STAU2: variants seen among roughly 807,000 people sequenced by gnomAD.
STAU2 encodes the protein staufen double-stranded RNA binding protein 2, also known as double-stranded RNA-binding protein Staufen homolog 2.
In STAU2, 20 loss-of-function variants were observed where a neutral mutation model predicts 65.9. The observed-to-expected ratio is 0.30, with a 90% CI of 0.21 to 0.44. The LOEUF (loss-of-function observed/expected upper bound fraction) is 0.44. Ranked by LOEUF, STAU2 falls within the 20% of genes least tolerant of loss-of-function variation. STAU2 has a pLI of 1.00. For synonymous variants in STAU2, 232 were observed against 233.9 expected, an observed-to-expected ratio of 0.99 and a Z score of 0.07; for missense variants, 558 against 683.9, an observed-to-expected ratio of 0.82 and a Z score of 2.05.
intron 13 of STAU2, among the ~76,000 whole-genome samples, chr8:73,512,251 C>T (rs980519763): frequency 6.6e-6 from 1 of 152,136 alleles, no homozygotes; most frequent in Non-Finnish European, 1.5e-5. Context: ...TTTCCATACA[C>T]ATTTTAAGAT....
chr8:73,694,242 A>C (rs531863205), intron 4 of STAU2, among the ~76,000 whole-genome samples: 29 of 152,366 alleles, frequency 1.9e-4, no homozygotes, highest in African/African-American at 7.0e-4. Context: ...AATTAAAGTC[A>C]GATTCAATAC....
rs140960311 is a variant in STAU2, at chr8:73,601,503, A to T, written c.1029+2223T>A. ...TAATATATAGACTTTTTCTTTGGTAACAGATAAAAATGAGCATCTCATCTC... is the reference window on the plus strand; with the variant it reads ...TAATATATAGACTTTTTCTTTGGTATCAGATAAAAATGAGCATCTCATCTC... On this transcript the variant is annotated intron_variant, in intron 10 of 14. Coordinates refer to ENST00000524300, the MANE Select transcript of STAU2 (RefSeq NM_001164380.2). 1.4e-3 allele frequency among the ~76,000 whole-genome samples: 216 copies of T among 152,306 alleles called. 1 individual carries two copies. Among genetic ancestry groups the T allele is most frequent in the African/African-American group, 4.9e-3 (205 of 41,548 alleles).
At chr8:73,710,957 C>T (rs1820847529) in intron 3 of STAU2, among the ~76,000 whole-genome samples, 1 of 150,424 alleles carries the variant, frequency 6.6e-6, no homozygotes, top group African/African-American at 2.4e-5. Context: ...CTTAACAGGC[C>T]CAATAATTTG....
In STAU2 at chr8:73,634,330, C is replaced by T. The variant is rs1325803422; in HGVS notation, c.411-16879G>A. ...GGATCACGAGGTCAAGAGATTGAGA[C>T]CATCCTGGTCAACATGGTGAAACCC... On this transcript the variant is annotated intron_variant, in intron 6 of 14. Transcript: ENST00000524300. 2.0e-5 allele frequency among the ~76,000 whole-genome samples: 3 copies of T among 151,988 alleles called. No individual in the cohort carries two copies. In the South Asian group the frequency reaches 6.2e-4, roughly 32 times the overall value.
chr8:73,714,945 A>G (rs1359852242), intron 3 of STAU2, among the ~76,000 whole-genome samples: 1 of 151,674 alleles, frequency 6.6e-6, no homozygotes, highest in Non-Finnish European at 1.5e-5. Context: ...GCCAGGCATG[A>G]TGGCGGGTGC....
intron 13 of STAU2, 71 bp from the exon 14 acceptor site, chr8:73,422,773 C>A: frequency 9.2e-7 from 1 of 1,083,576 alleles, no homozygotes; most frequent in South Asian, 2.1e-5. Context: ...TGAAAGAAAG[C>A]TGAGATAGAA....
intron 6 of STAU2, chr8:73,653,800 C>T: frequency 2.7e-6 from 1 of 373,766 alleles, no homozygotes; most frequent in South Asian, 2.0e-5. Flanking sequence ...CTTTAGGAGT[C>T]TTCAAGAGAG....
At chr8:73,618,543 CA>C (rs2129897415) in intron 6 of STAU2, among the ~76,000 whole-genome samples, 1 of 152,264 alleles carries the variant, frequency 6.6e-6, no homozygotes, top group East Asian at 1.9e-4. Flanking sequence ...GGCAAGATTC[CA>C]TAGGGCCTTC....
At chr8:73,618,525 G>A (rs960960278) in intron 6 of STAU2, among the ~76,000 whole-genome samples, 1 of 152,198 alleles carries the variant, frequency 6.6e-6, no homozygotes, top group Admixed American at 6.5e-5. Context: ...AGCTAGATGA[G>A]AAGAGGTGGC....
chr8:73,688,881 G>C, intron 4 of STAU2, 68 bp from the exon 5 acceptor site: 1 of 1,559,662 alleles, frequency 6.4e-7, no homozygotes, highest in Non-Finnish European at 8.7e-7. Flanking sequence ...GGCTGTCTGA[G>C]AGAAAAATAA....
intron 10 of STAU2, among the ~76,000 whole-genome samples, chr8:73,600,251 A>G (rs922753672): frequency 6.6e-6 from 1 of 152,262 alleles, no homozygotes; most frequent in Non-Finnish European, 1.5e-5. Context: ...CATACAGCAC[A>G]TGAAACGCTG....
chr8:73,601,903 A>G (rs559268322), intron 10 of STAU2, among the ~76,000 whole-genome samples: 1 of 152,242 alleles, frequency 6.6e-6, no homozygotes, highest in African/African-American at 2.4e-5. Context: ...CATTCAAAGT[A>G]TATGTTCCAG....
At chr8:73,714,042 T>C (rs1186914384) in intron 3 of STAU2, among the ~76,000 whole-genome samples, 1 of 152,112 alleles carries the variant, frequency 6.6e-6, no homozygotes, top group Non-Finnish European at 1.5e-5. Flanking sequence ...TAGCTGGAAT[T>C]ACAGGCATGC....
At chr8:73,744,690 T>G (rs554158530) in intron 1 of STAU2, among the ~76,000 whole-genome samples, 57 of 152,302 alleles carry the variant, frequency 3.7e-4, no homozygotes, top group Non-Finnish European at 7.6e-4. Flanking sequence ...AATGTAAAAT[T>G]TGCATGGTTT....
chr8:73,662,086 C>T (rs548633121), intron 6 of STAU2, among the ~76,000 whole-genome samples: 5 of 152,298 alleles, frequency 3.3e-5, no homozygotes, highest in Admixed American at 2.0e-4. Flanking sequence ...CACCATGACA[C>T]TAGGTGTTGT....
chr8:73,692,843 A>C (rs1359928017), intron 4 of STAU2, among the ~76,000 whole-genome samples: 1 of 152,156 alleles, frequency 6.6e-6, no homozygotes, highest in Non-Finnish European at 1.5e-5. Context: ...GTGGAAAAAA[A>C]CCCCACATAT....
chr8:73,727,126 A>C (rs1377546656), intron 3 of STAU2, among the ~76,000 whole-genome samples: 2 of 152,134 alleles, frequency 1.3e-5, no homozygotes, highest in Non-Finnish European at 2.9e-5. Context: ...GCTACTGAGG[A>C]GGCTGAGGCA....
intron 5 of STAU2, among the ~76,000 whole-genome samples, chr8:73,687,242 A>ATATTT (rs1818918799): frequency 7.7e-6 from 1 of 130,376 alleles, no homozygotes; most frequent in African/African-American, 2.9e-5. Flanking sequence ...AAATTAATTT[A>ATATTT]AATATAAATT....
At chr8:73,599,820 T>A (rs1316945114) in intron 10 of STAU2, among the ~76,000 whole-genome samples, 1 of 152,024 alleles carries the variant, frequency 6.6e-6, no homozygotes, top group Non-Finnish European at 1.5e-5. Context: ...GGTTCTGGAG[T>A]GCAGTGGCGC....
Sources: gnomAD v4.1 joint callset for allele counts (sites outside exome capture counted in the v4.1 genomes callset) on GRCh38, gnomAD v4.1.1 for gene constraint, MANE v1.5 for transcripts, NCBI Gene and HGNC (gene_info 2026-07-23, HGNC 2026-07-21) for gene names.